Variants in DNM1L observed in about 807,000 individuals in gnomAD.
DNM1L encodes the protein dynamin 1L.
Under a neutral mutation model 92.8 loss-of-function variants are expected in DNM1L, and 33 were observed. The ratio of observed to expected loss-of-function variants is 0.36; its 90% CI spans 0.27 to 0.48. DNM1L has a LOEUF of 0.48. Among genes scored for constraint, DNM1L ranks in the 20% least tolerant of loss-of-function variants. DNM1L has a pLI of 0.99. For missense variants in DNM1L, 485 were observed against 888.8 expected (o/e 0.55, Z 5.78); for synonymous variants, 284 against 305.0 (o/e 0.93, Z 0.72).
chr12:32,717,604 C>T (rs193182886), intron 6 of DNM1L, among the ~76,000 whole-genome samples: 6,191 of 84,388 alleles, frequency 0.073, 400 homozygotes, highest in African/African-American at 0.13. Flanking sequence ...ATAAAAAATA[C>T]ATATACCTAG....
intron 1 of DNM1L, chr12:32,679,839 G>A (rs1372660899): frequency 1.0e-6 from 1 of 1,002,330 alleles, no homozygotes; most frequent in Non-Finnish European, 1.2e-6. Context: ...GGGACGCGCG[G>A]GGCACTCGGG....
intron 9 of DNM1L, among the ~76,000 whole-genome samples, chr12:32,724,885 G>A (rs1954031359): frequency 6.6e-6 from 1 of 151,600 alleles, no homozygotes; most frequent in Non-Finnish European, 1.5e-5. Context: ...ACACATCCAT[G>A]AGGTAGTTAA....
chr12:32,721,028 C>T (rs913426216), intron 8 of DNM1L, among the ~76,000 whole-genome samples: 13 of 152,096 alleles, frequency 8.5e-5, no homozygotes, highest in East Asian at 3.8e-4. Context: ...GTTTTAATTA[C>T]GAAAATTTTG....
In DNM1L at chr12:32,706,374, A is replaced by G. The variant is rs561816612; in HGVS notation, c.251-993A>G. Among the ~76,000 whole-genome samples, 5 of 152,352 alleles carry G rather than the reference A, an allele frequency of 3.3e-5. No homozygotes were observed. The South Asian group carries it at 6.2e-4, about 19-fold the overall frequency. ...TCAGGAGGCTGATATGCATTATTCA[A>G]TACACTTATTAAGATATTTTAACCT... On this transcript the variant is annotated intron_variant, in intron 2 of 19. Transcript: ENST00000549701.
chr12:32,718,627 T>G lies in DNM1L; in HGVS notation c.620-16T>G. ...TCTTTCTTTTCTTTGCCCTTTTTTCTTTTTGCATTTACCAGGTCGCAGAAC... is the reference window on the plus strand; with the variant it reads ...TCTTTCTTTTCTTTGCCCTTTTTTCGTTTTGCATTTACCAGGTCGCAGAAC... On this transcript the variant is annotated splice_polypyrimidine_tract_variant and intron_variant, in intron 6 of 19. Transcript: ENST00000549701. 1 of 1,613,506 alleles carries G rather than the reference T, an allele frequency of 6.2e-7. No individual in the cohort carries two copies. The highest frequency in any genetic ancestry group is 8.5e-7 in the Non-Finnish European group (1 of 1,179,592).
chr12:32,723,270 T>A (rs1213466438), intron 9 of DNM1L, among the ~76,000 whole-genome samples: 3 of 152,178 alleles, frequency 2.0e-5, no homozygotes, highest in Admixed American at 1.3e-4. Context: ...AAACTTCAAT[T>A]TTATAAAGAA....
chr12:32,697,211 A>G (rs984366855), intron 1 of DNM1L, among the ~76,000 whole-genome samples: 1 of 152,056 alleles, frequency 6.6e-6, no homozygotes, highest in African/African-American at 2.4e-5. Flanking sequence ...CCTAGGTGAT[A>G]GAGCGAGACT....
intron 13 of DNM1L, among the ~76,000 whole-genome samples, chr12:32,734,943 G>T (rs968715781): frequency 1.3e-5 from 2 of 152,194 alleles, no homozygotes; most frequent in African/African-American, 4.8e-5. Flanking sequence ...TACATAGCTG[G>T]GGGTGATTCC....
chr12:32,717,817 TAAA>T (rs368410725), intron 6 of DNM1L, among the ~76,000 whole-genome samples: 14 of 88,102 alleles, frequency 1.6e-4, no homozygotes, highest in East Asian at 5.3e-4. Context: ...ATATATACTA[TAAA>T]ATATATATAG....
At chr12:32,696,383 AACACACACACAC>A (rs58224525) in intron 1 of DNM1L, among the ~76,000 whole-genome samples, 9 of 145,014 alleles carry the variant, frequency 6.2e-5, no homozygotes, top group South Asian at 2.2e-4. Context: ...CACACACACA[AACACACACACAC>A]ACACACACAC....
chr12:32,684,384 A>G (rs1951915282), intron 1 of DNM1L, among the ~76,000 whole-genome samples: 3 of 152,348 alleles, frequency 2.0e-5, no homozygotes, highest in South Asian at 4.1e-4. Context: ...TTTTGTCTGT[A>G]TGGATTTGCC....
chr12:32,739,277 T>TA (rs71831581), intron 16 of DNM1L, among the ~76,000 whole-genome samples: 1,916 of 151,948 alleles, frequency 0.013, 36 homozygotes, highest in African/African-American at 0.036. Flanking sequence ...AAAGAATACC[T>TA]AAAAAAAACC....
rs752217265 is a variant in DNM1L at position 32,742,741 on chromosome 12, T to A, written c.2147T>A (p.Met716Lys). ...MAQRRKEAAD[M>K]LKALQGASQI... ...CAGCGCAGGAAAGAAGCAGCTGATA[T>A]GCTAAAGGTATTGTGGACCTTTTGA... is the stretch of plus-strand genomic sequence containing the variant. Residue 716 changes from methionine (M) to lysine (K), a missense_variant, in exon 19 of 20, where the codon ATG becomes AAG. Physicochemically the swap from Met to Lys is moderately conservative, Grantham distance 95. Around this residue, in one of 11 missense-constraint regions of DNM1L, gnomAD observed 133 missense variants for 210.9 expected, o/e 0.63. Coordinates refer to ENST00000549701, the MANE Select transcript of DNM1L (RefSeq NM_012062.5). The A allele has an allele frequency of 6.2e-7, 1 of 1,614,102 alleles. No individual in the cohort carries two copies. Among genetic ancestry groups the A allele is most frequent in the Non-Finnish European group, 8.5e-7 (1 of 1,180,008 alleles).
intron 12 of DNM1L, chr12:32,732,707 T>A: frequency 9.8e-6 from 4 of 409,014 alleles, no homozygotes; most frequent in Non-Finnish European, 9.6e-6. Context: ...ACCTTCATTT[T>A]AATAGACCCT....
intron 1 of DNM1L, among the ~76,000 whole-genome samples, chr12:32,684,538 C>T (rs991735783): frequency 6.7e-6 from 1 of 150,114 alleles, no homozygotes; most frequent in East Asian, 1.9e-4. Context: ...AGTGCAATGG[C>T]ACAATCTCAG....
In DNM1L at chr12:32,722,474, G is replaced by A. The variant is rs1953853595; in HGVS notation, c.920G>A (p.Arg307Lys). Reference sequence around the variant, plus strand: ...GATTGTTTACCAGAGTTGAAAACAAGAATAAATGTTCTAGCTGCTCAGTAT... The same window carrying A: ...GATTGTTTACCAGAGTTGAAAACAAAAATAAATGTTCTAGCTGCTCAGTAT... ...IRDCLPELKT[R>K]INVLAAQYQS... Residue 307 changes from arginine (R) to lysine (K), a missense_variant, in exon 9 of 20, where the codon AGA becomes AAA. Transcript: ENST00000549701. 6.2e-7 allele frequency: 1 copy of A among 1,613,042 alleles called. No individual in the cohort carries two copies. Among genetic ancestry groups the A allele is most frequent in the Non-Finnish European group, 8.5e-7 (1 of 1,179,970 alleles).
chr12:32,721,610 T>C (rs1369314682), intron 8 of DNM1L, among the ~76,000 whole-genome samples: 1 of 151,706 alleles, frequency 6.6e-6, no homozygotes, highest in Non-Finnish European at 1.5e-5. Context: ...ATATGGGGAG[T>C]TTTCCCCATA....
chr12:32,679,771 A>AGTCCGCTGGGACCGGGCGCGGCCTC (rs1951734443), intron 1 of DNM1L: 31 of 1,073,624 alleles, frequency 2.9e-5, no homozygotes, highest in Admixed American at 5.3e-5. Context: ...GCGGAACTGG[A>AGTCCGCTGGGACCGGGCGCGGCCTC]GTCCGCTGGG....
Position 32,701,532 on chromosome 12 carries a change from G to A in DNM1L, c.220G>A (p.Asp74Asn). The A allele has an allele frequency of 6.2e-7, 1 of 1,613,848 alleles. No individual in the cohort carries two copies. The highest frequency in any genetic ancestry group is 8.5e-7 in the Non-Finnish European group (1 of 1,179,882). ...ILQLVHVSQEDKRKTTGEENG... is the reference protein window; with the variant it reads ...ILQLVHVSQENKRKTTGEENG... Reference sequence around the variant, plus strand: ...GCAACTGGTCCATGTTTCACAAGAAGATAAACGGAAAACAACAGGAGAAGA... The same window carrying A: ...GCAACTGGTCCATGTTTCACAAGAAAATAAACGGAAAACAACAGGAGAAGA... Residue 74 changes from aspartate to asparagine, a missense_variant, in exon 2 of 20, where the codon GAT becomes AAT. By Grantham distance (23) the Asp-to-Asn change is conservative. Transcript: ENST00000549701.
Sources: gnomAD v4.1 joint callset for allele counts (sites outside exome capture counted in the v4.1 genomes callset) on GRCh38, gnomAD v4.1.1 for gene constraint, gnomAD v4.1.1 regional missense constraint, MANE v1.5 for transcripts, NCBI Gene and HGNC (gene_info 2026-07-23, HGNC 2026-07-21) for gene names.